CTNNBIP1: variants seen among roughly 807,000 people sequenced by gnomAD.
CTNNBIP1 encodes the protein catenin beta interacting protein 1.
Under a neutral mutation model 11.8 loss-of-function variants are expected in CTNNBIP1, and 7 were observed. The observed-to-expected ratio is 0.60, with a 90% CI of 0.34 to 1.12. CTNNBIP1 has a LOEUF of 1.12. Ranked by LOEUF, CTNNBIP1 falls within the 50% of genes most tolerant of loss-of-function variation. The pLI is 0.03. For synonymous variants in CTNNBIP1, 58 were observed against 43.9 expected (o/e 1.32, Z -1.26); for missense variants, 101 against 113.4 (o/e 0.89, Z 0.50).
chr1:9,900,134 T>C (rs1016497078), intron 1 of CTNNBIP1, among the ~76,000 whole-genome samples: 1 of 151,084 alleles, frequency 6.6e-6, no homozygotes, highest in Admixed American at 6.6e-5. Context: ...CCGGGTGCTG[T>C]GGCTCACGCT....
intron 1 of CTNNBIP1, among the ~76,000 whole-genome samples, chr1:9,891,326 C>T (rs527371739): frequency 1.3e-5 from 2 of 152,308 alleles, no homozygotes; most frequent in Admixed American, 6.5e-5. Context: ...ATCTTCTCAA[C>T]AGGCACCTCT....
At position 9,871,909 on chromosome 1, in the gene CTNNBIP1, G is replaced by A. The variant is rs1308845793; in HGVS notation, c.96+60C>T. On this transcript the variant is annotated intron_variant, in intron 4 of 5. Coordinates refer to ENST00000377263, the MANE Select transcript of CTNNBIP1 (RefSeq NM_020248.3). The surrounding 1 kb of genome is among the most constrained non-coding windows in gnomAD (Gnocchi z 5.2). Reference sequence around the variant, plus strand: ...GCTCCACCCTCCAATAGCCCAGCAGGGCCCCTCCCTGGGAGACCCTCCCTG... The same window carrying A: ...GCTCCACCCTCCAATAGCCCAGCAGAGCCCCTCCCTGGGAGACCCTCCCTG... 2 of 1,455,562 alleles carry A rather than the reference G, an allele frequency of 1.4e-6. No homozygotes were observed. The highest frequency in any genetic ancestry group is 1.9e-6 in the Non-Finnish European group (2 of 1,037,380). 90.2% of individuals were successfully genotyped at this position (1,455,562 alleles called of 1,614,324 possible). A position where few individuals can be genotyped will look rare whatever the true frequency, so the allele number is the denominator to read the frequency against.
At chr1:9,909,736 G>GT (rs1346598981) in intron 1 of CTNNBIP1, among the ~76,000 whole-genome samples, 1 of 152,114 alleles carries the variant, frequency 6.6e-6, no homozygotes. Flanking sequence ...AATATGGAGA[G>GT]TAAGAGTCTC....
rs1638479902 is a variant in CTNNBIP1 at position 9,855,364 on chromosome 1, T to G, written c.188-4588A>C. ...CACCTTGAAAAAGAAGAAGTTGGAC[T>G]CACACTTCCCAATTTCAAAACTTAC... is the stretch of plus-strand genomic sequence containing the variant. On this transcript the variant is annotated intron_variant, in intron 5 of 5. Transcript: ENST00000377263. 2.0e-5 allele frequency among the ~76,000 whole-genome samples: 3 copies of G among 150,920 alleles called. No homozygotes were observed. The Admixed American group carries it at 2.0e-4, about 10-fold the overall frequency.
intron 1 of CTNNBIP1, among the ~76,000 whole-genome samples, chr1:9,898,465 A>T (rs1227756120): frequency 6.6e-6 from 1 of 152,226 alleles, no homozygotes; most frequent in Non-Finnish European, 1.5e-5. Flanking sequence ...CGGAGGTTGC[A>T]GTGAGCCAAG....
In CTNNBIP1 at chr1:9,872,444, T is replaced by C. The variant is rs867972597; in HGVS notation, c.-24-356A>G. On this transcript the variant is annotated intron_variant, in intron 3 of 5. Transcript: ENST00000377263. This position sits in a 1 kb window ranked among gnomAD's most constrained non-coding sequence, Gnocchi z 4.0. ...CTGCTACAAGCCACAGGACACGTGG[T>C]GCATGAAGCCCCAAATGTCCCAGGT... 6.6e-6 allele frequency among the ~76,000 whole-genome samples: 1 copy of C among 152,178 alleles called. No homozygotes were observed. The highest frequency in any genetic ancestry group is 1.5e-5 in the Non-Finnish European group (1 of 68,026).
chr1:9,867,476 T>C lies in CTNNBIP1; in HGVS notation c.187+3711A>G, dbSNP rs1046603316. 1.2e-4 allele frequency among the ~76,000 whole-genome samples: 18 copies of C among 152,130 alleles called. No individual in the cohort carries two copies. The highest frequency in any genetic ancestry group is 4.3e-4 in the African/African-American group (18 of 41,438). On this transcript the variant is annotated intron_variant, in intron 5 of 5. Coordinates refer to ENST00000377263, the MANE Select transcript of CTNNBIP1 (RefSeq NM_020248.3). This position sits in a 1 kb window ranked among gnomAD's most constrained non-coding sequence, Gnocchi z 4.6. The stretch of plus-strand genomic sequence containing the variant: ...CCCAGGTACCAGACCCATCCAGCCC[T>C]GGAGGGGAAGCATGTGCAGGGCTAA...
Position 9,867,532 on chromosome 1 carries a change from C to T in CTNNBIP1, c.187+3655G>A, listed in dbSNP as rs957566026. On this transcript the variant is annotated intron_variant, in intron 5 of 5. Transcript: ENST00000377263. The surrounding 1 kb of genome is among the most constrained non-coding windows in gnomAD (Gnocchi z 4.6). ...GCGGCCAGACCCTCAGGACCAAGGTCGGGTGCTGTCCGTTGGAGGGTCTGC... is the reference window on the plus strand; with the variant it reads ...GCGGCCAGACCCTCAGGACCAAGGTTGGGTGCTGTCCGTTGGAGGGTCTGC... 6.6e-6 allele frequency among the ~76,000 whole-genome samples: 1 copy of T among 152,162 alleles called. No homozygotes were observed. The highest frequency in any genetic ancestry group is 1.5e-5 in the Non-Finnish European group (1 of 68,006).
intron 1 of CTNNBIP1, among the ~76,000 whole-genome samples, chr1:9,905,035 G>C (rs771917127): frequency 3.9e-5 from 6 of 152,124 alleles, no homozygotes; most frequent in Admixed American, 3.3e-4. Context: ...ACTCTGGCTG[G>C]CCTCAAAAAC....
At chr1:9,866,519 C>T (rs1348321030) in intron 5 of CTNNBIP1, among the ~76,000 whole-genome samples, 1 of 151,972 alleles carries the variant, frequency 6.6e-6, no homozygotes, top group Non-Finnish European at 1.5e-5. Flanking sequence ...CATGGTGAAA[C>T]CCCGTCTCTA....
In CTNNBIP1 at chr1:9,849,137, G is replaced by GTAT. The variant is rs1461112499; in HGVS notation, c.*1580_*1581insATA. On this transcript the variant is annotated 3_prime_UTR_variant, in exon 6 of 6. Coordinates refer to ENST00000377263, the MANE Select transcript of CTNNBIP1 (RefSeq NM_020248.3). ...ATCCCACACCTGCCAGTGAGCCAGG[G>GTAT]AGATAGGAGGACCACCTCCCTCCCA... 2.0e-5 allele frequency: 3 copies of GTAT among 152,364 alleles called. No homozygotes were observed. The East Asian group carries it at 5.8e-4, about 29-fold the overall frequency. The allele number at this position is 152,364 out of a possible 1,614,324, so 9.4% of individuals were successfully genotyped here. A position where few individuals can be genotyped will look rare whatever the true frequency, so the allele number is the denominator to read the frequency against.
intron 5 of CTNNBIP1, among the ~76,000 whole-genome samples, chr1:9,870,602 G>A (rs1434381473): frequency 1.3e-5 from 2 of 152,150 alleles, no homozygotes; most frequent in Non-Finnish European, 2.9e-5. Flanking sequence ...ATGAAACAAC[G>A]GTGCCTGCTA....
At chr1:9,890,984 A>G (rs1168667509) in intron 1 of CTNNBIP1, among the ~76,000 whole-genome samples, 1 of 151,998 alleles carries the variant, frequency 6.6e-6, no homozygotes, top group East Asian at 1.9e-4. Context: ...GGTCACCTCC[A>G]GAGAGTGCGA....
intron 1 of CTNNBIP1, among the ~76,000 whole-genome samples, chr1:9,891,781 ATTTTTT>A (rs70998316): frequency 1.4e-4 from 11 of 81,448 alleles, no homozygotes; most frequent in Non-Finnish European, 2.2e-4. Flanking sequence ...ATCTCTTTAA[ATTTTTT>A]TTTTTTTTTT....
At chr1:9,902,121 AC>A (rs1392247146) in intron 1 of CTNNBIP1, among the ~76,000 whole-genome samples, 2 of 151,996 alleles carry the variant, frequency 1.3e-5, no homozygotes, top group African/African-American at 4.8e-5. Context: ...GTATATATTG[AC>A]CCAAAATGGG....
At chr1:9,894,782 C>T (rs1053868241) in intron 1 of CTNNBIP1, among the ~76,000 whole-genome samples, 2 of 151,322 alleles carry the variant, frequency 1.3e-5, no homozygotes, top group African/African-American at 4.9e-5. Context: ...GCTCTGTCAC[C>T]CAAGCTGGAG....
intron 1 of CTNNBIP1, among the ~76,000 whole-genome samples, chr1:9,899,281 C>A (rs1570599107): frequency 6.6e-6 from 1 of 151,550 alleles, no homozygotes; most frequent in Non-Finnish European, 1.5e-5. Flanking sequence ...CATGGTGAAA[C>A]CCCATCTCTA....
At chr1:9,874,281 C>T (rs1638920812) in intron 3 of CTNNBIP1, among the ~76,000 whole-genome samples, 1 of 152,162 alleles carries the variant, frequency 6.6e-6, no homozygotes, top group Non-Finnish European at 1.5e-5. Flanking sequence ...GAAGCCTTCC[C>T]TGGCAGTTGC....
At chr1:9,860,673 A>G (rs1470068400) in intron 5 of CTNNBIP1, among the ~76,000 whole-genome samples, 1 of 150,336 alleles carries the variant, frequency 6.7e-6, no homozygotes, top group Non-Finnish European at 1.5e-5. Flanking sequence ...CCAGCTCCCC[A>G]CAACCATGTG....
Sources: gnomAD v4.1 joint callset for allele counts (sites outside exome capture counted in the v4.1 genomes callset) on GRCh38, gnomAD v4.1.1 for gene constraint, Gnocchi (gnomAD v3.1) non-coding constraint, MANE v1.5 for transcripts, NCBI Gene and HGNC (gene_info 2026-07-23, HGNC 2026-07-21) for gene names.